The following L3MBTL4 variants were observed in gnomAD, a reference collection of about 807,000 sequenced individuals.
L3MBTL4 encodes L3MBTL histone methyl-lysine binding protein 4, also known as lethal(3)malignant brain tumor-like protein 4.
A neutral mutation model predicts 84.5 loss-of-function variants in L3MBTL4; 70 were observed. The ratio of observed to expected loss-of-function variants is 0.83; its 90% CI spans 0.68 to 1.01. L3MBTL4 has a LOEUF of 1.01. L3MBTL4 is among the 50% of genes least tolerant of loss of function. L3MBTL4 has a pLI of 0.00. For missense variants in L3MBTL4, 715 were observed against 754.8 expected (o/e 0.95, Z 0.62); for synonymous variants, 274 against 259.8 (o/e 1.05, Z -0.52).
At chr18:6,094,320 C>T (rs2058558887) in intron 14 of L3MBTL4, among the ~76,000 whole-genome samples, 1 of 152,212 alleles carries the variant, frequency 6.6e-6, no homozygotes, top group Admixed American at 6.5e-5. Flanking sequence ...AGGGAAGACA[C>T]ACCCAAGACA....
intron 5 of L3MBTL4, among the ~76,000 whole-genome samples, chr18:6,252,571 C>T (rs919935450): frequency 2.0e-5 from 3 of 151,894 alleles, no homozygotes; most frequent in Admixed American, 6.6e-5. Context: ...ATTTTTATAC[C>T]CTTCTGTCTT....
chr18:6,132,679 C>T (rs559441744), intron 14 of L3MBTL4, among the ~76,000 whole-genome samples: 107 of 152,280 alleles, frequency 7.0e-4, no homozygotes, highest in African/African-American at 2.5e-3. Flanking sequence ...AGTAGATAAA[C>T]TTAAGTCAAA....
At chr18:6,234,880 C>T (rs184460705) in intron 10 of L3MBTL4, among the ~76,000 whole-genome samples, 3 of 152,190 alleles carry the variant, frequency 2.0e-5, no homozygotes, top group East Asian at 1.9e-4. Context: ...ATGTTTATTA[C>T]GGCACTATTC....
intron 1 of L3MBTL4, among the ~76,000 whole-genome samples, chr18:6,408,689 T>C (rs1442381873): frequency 6.6e-6 from 1 of 151,130 alleles, no homozygotes; most frequent in East Asian, 1.9e-4. Context: ...TCTTCTTCTT[T>C]TTTTTTTTTT....
intron 3 of L3MBTL4, among the ~76,000 whole-genome samples, chr18:6,308,030 G>GA (rs1199653910): frequency 5.9e-5 from 9 of 151,688 alleles, no homozygotes; most frequent in Non-Finnish European, 1.0e-4. Context: ...AAATCACCCT[G>GA]AAAAAAAACA....
At chr18:6,286,021 G>A (rs1041418557) in intron 4 of L3MBTL4, among the ~76,000 whole-genome samples, 5 of 151,320 alleles carry the variant, frequency 3.3e-5, no homozygotes, top group Non-Finnish European at 5.9e-5. Flanking sequence ...TAGTAGAGAC[G>A]GAGTTTCACC....
chr18:5,974,783 G>A (rs1448194764), intron 16 of L3MBTL4, among the ~76,000 whole-genome samples: 2 of 152,184 alleles, frequency 1.3e-5, no homozygotes, highest in African/African-American at 2.4e-5. Context: ...TTGACAACAC[G>A]GTGAGACCCT....
intron 13 of L3MBTL4, among the ~76,000 whole-genome samples, chr18:6,142,761 T>A (rs932307581): frequency 5.3e-5 from 8 of 151,924 alleles, no homozygotes; most frequent in Non-Finnish European, 1.2e-4. Flanking sequence ...TACAAAAAAA[T>A]AATCTTAAAA....
At chr18:6,352,694 A>C (rs1342423610) in intron 1 of L3MBTL4, among the ~76,000 whole-genome samples, 1 of 152,234 alleles carries the variant, frequency 6.6e-6, no homozygotes, top group Non-Finnish European at 1.5e-5. Flanking sequence ...TGTTTCTGCC[A>C]GGAAAATGCA....
chr18:6,009,915 C>T (rs16949230), intron 16 of L3MBTL4, among the ~76,000 whole-genome samples: 18,171 of 152,104 alleles, frequency 0.12, 1,380 homozygotes, highest in African/African-American at 0.2. Context: ...ACAAACAAAG[C>T]TGCCCATTAT....
intron 4 of L3MBTL4, among the ~76,000 whole-genome samples, chr18:6,281,263 A>C (rs2049308286): frequency 6.6e-6 from 1 of 152,212 alleles, no homozygotes; most frequent in Non-Finnish European, 1.5e-5. Flanking sequence ...ACTCAGGTTC[A>C]CTGTATGAAA....
chr18:6,298,123 G>C (rs1347596701), intron 4 of L3MBTL4, among the ~76,000 whole-genome samples: 1 of 152,120 alleles, frequency 6.6e-6, no homozygotes, highest in African/African-American at 2.4e-5. Context: ...CCAAACAACA[G>C]AACCTAATTC....
intron 4 of L3MBTL4, among the ~76,000 whole-genome samples, chr18:6,277,072 TG>T (rs2049111587): frequency 7.0e-6 from 1 of 143,502 alleles, no homozygotes; most frequent in Admixed American, 7.4e-5. Context: ...TACCCTAGAG[TG>T]TTTATTATGT....
chr18:6,080,839 C>G, intron 16 of L3MBTL4, 42 bp downstream of exon 16: 1 of 1,404,424 alleles, frequency 7.1e-7, no homozygotes, highest in Non-Finnish European at 1.0e-6. Context: ...TTCTGCACAA[C>G]AAAAAGTATA....
chr18:6,008,412 CTTAATTT>C (rs1360305895), intron 16 of L3MBTL4, among the ~76,000 whole-genome samples: 1 of 152,160 alleles, frequency 6.6e-6, no homozygotes, highest in Non-Finnish European at 1.5e-5. Context: ...ATCCAGGTGT[CTTAATTT>C]GGGCTACAAC....
At chr18:6,155,265 C>T (rs2144897064) in intron 13 of L3MBTL4, among the ~76,000 whole-genome samples, 1 of 152,252 alleles carries the variant, frequency 6.6e-6, no homozygotes, top group East Asian at 1.9e-4. Flanking sequence ...TTTTATGAAG[C>T]ACTGAACGCA....
chr18:6,059,584 G>T (rs1031026596), intron 16 of L3MBTL4, among the ~76,000 whole-genome samples: 2 of 151,586 alleles, frequency 1.3e-5, no homozygotes, highest in Admixed American at 1.3e-4. Flanking sequence ...GGATTTTTTT[G>T]AAGGATAATA....
intron 10 of L3MBTL4, among the ~76,000 whole-genome samples, chr18:6,226,847 G>C (rs958877620): frequency 1.3e-5 from 2 of 151,640 alleles, no homozygotes; most frequent in Admixed American, 1.3e-4. Context: ...AACCATAATG[G>C]ATAAATAGAA....
chr18:6,336,149 T>C (rs2052325351), intron 1 of L3MBTL4, among the ~76,000 whole-genome samples: 1 of 152,140 alleles, frequency 6.6e-6, no homozygotes. Flanking sequence ...AACCAATACT[T>C]TCTTGAATGA....
Sources: gnomAD v4.1 joint callset for allele counts (sites outside exome capture counted in the v4.1 genomes callset) on GRCh38, gnomAD v4.1.1 for gene constraint, MANE v1.5 for transcripts, NCBI Gene and HGNC (gene_info 2026-07-23, HGNC 2026-07-21) for gene names.